GYG2: variants seen among roughly 807,000 people sequenced by gnomAD.
GYG2 encodes the protein glycogenin-2.
A neutral mutation model predicts 29.4 loss-of-function variants in GYG2; 29 were observed. The ratio of observed to expected loss-of-function variants is 0.99; its 90% CI spans 0.74 to 1.35. GYG2 has a LOEUF of 1.35. Among genes scored for constraint, GYG2 ranks in the 40% most tolerant of loss-of-function variants. The pLI is 0.00. For missense variants in GYG2, 370 were observed against 385.7 expected (o/e 0.96, Z 0.34); for synonymous variants, 167 against 172.3 (o/e 0.97, Z 0.24).
At chrX:2,871,707 A>G (rs1259272121) in intron 8 of GYG2, among the ~76,000 whole-genome samples, 1 of 79,938 alleles carries the variant, frequency 1.3e-5, no homozygotes, top group East Asian at 4.2e-4. Context: ...TAAATAAATA[A>G]ATAAATAAAT....
chrX:2,835,781 G>A (rs187181489), intron 2 of GYG2, among the ~76,000 whole-genome samples: 8 of 111,044 alleles, frequency 7.2e-5, no homozygotes, highest in African/African-American at 1.3e-4. Flanking sequence ...GTCTCCCAGC[G>A]TGTGGTACTT....
intron 10 of GYG2, chrX:2,878,195 G>T: frequency 2.7e-6 from 2 of 746,282 alleles, no homozygotes. Context: ...GGGCATCAGT[G>T]TGAGGTTGGG....
intron 2 of GYG2, among the ~76,000 whole-genome samples, chrX:2,842,388 G>T (rs140377369): frequency 9.2e-6 from 1 of 108,150 alleles, no homozygotes; most frequent in Non-Finnish European, 1.9e-5. Flanking sequence ...GTACAGATGA[G>T]GTCTTGCTGT....
intron 1 of GYG2, 95 bp from the exon 2 acceptor site, chrX:2,829,965 TG>T (rs1462180807): frequency 2.2e-5 from 9 of 404,286 alleles, no homozygotes; most frequent in Non-Finnish European, 3.9e-5. Flanking sequence ...AGGGGCCCCG[TG>T]GGGCGCAGGT....
At chrX:2,873,104 C>T (rs1415986308) in intron 8 of GYG2, among the ~76,000 whole-genome samples, 1 of 111,597 alleles carries the variant, frequency 9.0e-6, no homozygotes, top group East Asian at 2.8e-4. Flanking sequence ...AGGGAAGGCT[C>T]AACCTGTCTG....
chrX:2,832,130 C>T (rs749735252), intron 2 of GYG2, among the ~76,000 whole-genome samples: 21 of 113,030 alleles, frequency 1.9e-4, no homozygotes, highest in Admixed American at 1.8e-3. Flanking sequence ...CCCTGTCAAT[C>T]AATGTTTCAT....
At chrX:2,879,950 ATAGG>A (rs1316238866) in intron 10 of GYG2, among the ~76,000 whole-genome samples, 2 of 111,505 alleles carry the variant, frequency 1.8e-5, no homozygotes, top group African/African-American at 3.3e-5. Context: ...TAGATAGAAC[ATAGG>A]TAGATAGATG....
At position 2,855,045 on chromosome X, in the gene GYG2, C is replaced by T. The variant is rs767864277; in HGVS notation, c.377C>T (p.Pro126Leu). Residue 126 changes from proline (P) to leucine (L), a missense_variant, in exon 5 of 11, where the codon CCG becomes CTG. Transcript: ENST00000398806. ...GACAGGGGAGAGTTTTCTGCGGCCC[C>T]GGACCCCGGATGGCCGGATTGCTTC... ...LFDRGEFSAA[P>L]DPGWPDCFNS... 17 of 1,209,313 alleles carry T rather than the reference C, an allele frequency of 1.4e-5. No homozygotes were observed. The Middle Eastern group carries it at 1.8e-3, about 131-fold the overall frequency.
At chrX:2,857,639 A>G (rs2088050822) in intron 6 of GYG2, among the ~76,000 whole-genome samples, 2 of 110,626 alleles carry the variant, frequency 1.8e-5, no homozygotes, top group Admixed American at 9.8e-5. Context: ...TCTATATATT[A>G]ATACATAGAT....
intron 8 of GYG2, among the ~76,000 whole-genome samples, chrX:2,872,095 A>G (rs910786454): frequency 5.4e-5 from 6 of 111,438 alleles, no homozygotes; most frequent in African/African-American, 2.0e-4. Context: ...ATCTCTGCAT[A>G]TCTCAGCCTC....
chrX:2,873,359 A>AT (rs140667508), intron 8 of GYG2, among the ~76,000 whole-genome samples: 17,369 of 111,559 alleles, frequency 0.16, 1,040 homozygotes, highest in South Asian at 0.37. Flanking sequence ...ATTTTTAAAA[A>AT]TTTCTCTCCA....
chrX:2,870,192 ACTTT>A (rs1399348867), intron 8 of GYG2, among the ~76,000 whole-genome samples: 3 of 107,132 alleles, frequency 2.8e-5, no homozygotes, highest in African/African-American at 1.0e-4. Context: ...AGTATGTCTT[ACTTT>A]TTTATTTATT....
At chrX:2,849,241 A>G (rs1318998436) in intron 3 of GYG2, among the ~76,000 whole-genome samples, 6 of 111,158 alleles carry the variant, frequency 5.4e-5, no homozygotes, top group Non-Finnish European at 1.1e-4. Context: ...TCTTTACGCA[A>G]CTGTGGTGAA....
At chrX:2,841,045 GAT>G (rs2087484327) in intron 2 of GYG2, among the ~76,000 whole-genome samples, 1 of 110,189 alleles carries the variant, frequency 9.1e-6, no homozygotes, top group Non-Finnish European at 1.9e-5. Flanking sequence ...AGATGATAAA[GAT>G]AGATCGATTA....
intron 8 of GYG2, among the ~76,000 whole-genome samples, chrX:2,865,174 G>A (rs745861491): frequency 9.0e-6 from 1 of 111,372 alleles, no homozygotes; most frequent in African/African-American, 3.3e-5. Context: ...GCCCCTGGAG[G>A]GATTTCCACG....
Position 2,861,451 on chromosome X carries a change from C to T in GYG2, c.838-71C>T, listed in dbSNP as rs1197632300. On this transcript the variant is annotated intron_variant, in intron 7 of 10. Coordinates refer to ENST00000398806, the MANE Select transcript of GYG2 (RefSeq NM_001079855.2). ...AGCCCTGGCTACACAGGGCCCCACC[C>T]GCCCCCCAGGACAGCAGGTGAATTG... 27 of 861,151 alleles carry T rather than the reference C, an allele frequency of 3.1e-5. No homozygotes were observed. In the South Asian group the frequency reaches 3.3e-4, roughly 11 times the overall value. 71.0% of individuals were successfully genotyped at this position (861,151 alleles called of 1,213,427 possible). A position where few individuals can be genotyped will look rare whatever the true frequency, so the allele number is the denominator to read the frequency against.
At chrX:2,829,093 G>A (rs2087194370) in intron 1 of GYG2, 118 bp downstream of exon 1, 1 of 102,475 alleles carries the variant, frequency 9.8e-6, no homozygotes, top group African/African-American at 3.6e-5. Context: ...GAGGGTGGGT[G>A]GCGTACAGCG....
chrX:2,868,803 A>G (rs1339934587), intron 8 of GYG2, among the ~76,000 whole-genome samples: 1 of 111,309 alleles, frequency 9.0e-6, no homozygotes, highest in Non-Finnish European at 1.9e-5. Flanking sequence ...AAACCTGCAC[A>G]TCCTGCACAC....
At chrX:2,870,124 GT>G (rs1237085925) in intron 8 of GYG2, among the ~76,000 whole-genome samples, 1 of 109,050 alleles carries the variant, frequency 9.2e-6, no homozygotes, top group South Asian at 3.9e-4. Context: ...AAGCTATCAA[GT>G]TTTTTTACTC....
Sources: allele counts gnomAD v4.1 joint callset (sites outside exome capture counted in the v4.1 genomes callset), GRCh38; gene constraint gnomAD v4.1.1; transcripts MANE v1.5; gene names NCBI Gene and HGNC (gene_info 2026-07-23, HGNC 2026-07-21).